The following CEACAM16 variants were observed in gnomAD, a reference collection of about 807,000 sequenced individuals.
CEACAM16 encodes cell adhesion molecule CEACAM16.
A neutral mutation model predicts 39.4 loss-of-function variants in CEACAM16; 30 were observed. The observed-to-expected ratio is 0.76, with a 90% confidence interval of 0.57 to 1.03. The LOEUF (loss-of-function observed/expected upper bound fraction) is 1.03. Among genes scored for constraint, CEACAM16 ranks in the 50% least tolerant of loss-of-function variants. The pLI is 0.00. For synonymous variants in CEACAM16, 262 were observed against 264.9 expected, an observed-to-expected ratio of 0.99 and a Z score of 0.11; for missense variants, 521 against 585.3, an observed-to-expected ratio of 0.89 and a Z score of 1.13.
rs772104409 is a variant in CEACAM16 at position 44,701,044 on chromosome 19, C to G, written c.-96-317C>G. On this transcript the variant is annotated intron_variant, in intron 1 of 6. Coordinates refer to ENST00000587331, the MANE Select transcript of CEACAM16 (RefSeq NM_001039213.4). The surrounding 1 kb of genome is among the most constrained non-coding windows in gnomAD (Gnocchi z 4.0). ...CTGGGAAAGGTGCAGTCACCTTTTA[C>G]TGATTTTCTTCCTTGGTGACTCCCA... 6.6e-6 allele frequency among the ~76,000 whole-genome samples: 1 copy of G among 152,236 alleles called. No individual in the cohort carries two copies. The highest frequency in any genetic ancestry group is 1.5e-5 in the Non-Finnish European group (1 of 68,046).
chr19:44,701,294 C>T lies in CEACAM16; in HGVS notation c.-96-67C>T, dbSNP rs1974340999. On this transcript the variant is annotated intron_variant, in intron 1 of 6. Coordinates refer to ENST00000587331, the MANE Select transcript of CEACAM16 (RefSeq NM_001039213.4). The surrounding 1 kb of genome is among the most constrained non-coding windows in gnomAD (Gnocchi z 4.0). ...CTGGTACCCAAACCGGGCCCCAGAT[C>T]CTTGGTGACTCGATCCCTCCAAATT... 1.2e-6 allele frequency: 1 copy of T among 807,228 alleles called. No homozygotes were observed. Among genetic ancestry groups the T allele is most frequent in the Non-Finnish European group, 2.1e-6 (1 of 483,800 alleles). The allele number at this position is 807,228 out of a possible 1,614,324, so 50.0% of individuals were successfully genotyped here.
chr19:44,708,989 C>T (rs961585712), intron 6 of CEACAM16, among the ~76,000 whole-genome samples: 3 of 151,900 alleles, frequency 2.0e-5, no homozygotes, highest in Admixed American at 2.0e-4. Context: ...TCCCCATCAA[C>T]TGGGAGCTTC....
At chr19:44,707,783 G>T in intron 5 of CEACAM16, 78 bp from the exon 6 acceptor site, 1 of 1,291,160 alleles carries the variant, frequency 7.7e-7, no homozygotes, top group Non-Finnish European at 1.0e-6. Context: ...CAGCTGGGGG[G>T]AGGCCAGCAA....
chr19:44,701,378 G>T lies in CEACAM16; in HGVS notation c.-79G>T, dbSNP rs1599807414. The T allele has an allele frequency of 6.8e-7, 1 of 1,468,812 alleles. No individual in the cohort carries two copies. The highest frequency in any genetic ancestry group is 2.5e-5 in the East Asian group (1 of 40,534). The allele number at this position is 1,468,812 out of a possible 1,614,324, so 91.0% of individuals were successfully genotyped here. ...CCTCCCAGGTCCTGCGGCAGACGGA[G>T]CCGAGCCCCAACCAGGAAGGGAGTC... On this transcript the variant is annotated 5_prime_UTR_variant, in exon 2 of 7. Coordinates refer to ENST00000587331, the MANE Select transcript of CEACAM16 (RefSeq NM_001039213.4). The surrounding 1 kb of genome is among the most constrained non-coding windows in gnomAD (Gnocchi z 4.0).
intron 5 of CEACAM16, among the ~76,000 whole-genome samples, chr19:44,706,563 G>A (rs529876293): frequency 6.6e-6 from 1 of 152,254 alleles, no homozygotes; most frequent in South Asian, 2.1e-4. Flanking sequence ...GGGAATGGTC[G>A]TTCCCTCCCT....
At chr19:44,706,665 C>T (rs1225795877) in intron 5 of CEACAM16, among the ~76,000 whole-genome samples, 1 of 152,176 alleles carries the variant, frequency 6.6e-6, no homozygotes, top group African/African-American at 2.4e-5. Flanking sequence ...CCGCTCCACT[C>T]ATCTGGGGCT....
Position 44,701,840 on chromosome 19 carries a change from C to T in CEACAM16, c.37+347C>T, listed in dbSNP as rs1002990979. On this transcript the variant is annotated intron_variant, in intron 2 of 6. Coordinates refer to ENST00000587331, the MANE Select transcript of CEACAM16 (RefSeq NM_001039213.4). This position sits in a 1 kb window ranked among gnomAD's most constrained non-coding sequence, Gnocchi z 4.0. ...AACTCTTCCCAGCAGCTGTTTCTCC[C>T]GGAAGATGTAGCTTAGGGCAGTTGC... Among the ~76,000 whole-genome samples, 3 of 152,180 alleles carry T rather than the reference C, an allele frequency of 2.0e-5. No individual in the cohort carries two copies. The highest frequency in any genetic ancestry group is 2.9e-5 in the Non-Finnish European group (2 of 68,032).
chr19:44,703,358 T>G lies in CEACAM16; in HGVS notation c.47T>G (p.Leu16Arg). 6.2e-7 allele frequency: 1 copy of G among 1,608,988 alleles called. No individual in the cohort carries two copies. The highest frequency in any genetic ancestry group is 8.5e-7 in the Non-Finnish European group (1 of 1,176,142). The stretch of plus-strand genomic sequence containing the variant: ...GACTCCTCTTCCTCAGCCACATTCC[T>G]GAATGTGGGGGCCGAGATCTCTATC... ...YSWLLLSATFLNVGAEISITL... is the reference protein window; with the variant it reads ...YSWLLLSATFRNVGAEISITL... The change falls in exon 3 of 7, where the codon CTG becomes CGG. Residue 16 changes from leucine to arginine, a missense_variant. Coordinates refer to ENST00000587331, the MANE Select transcript of CEACAM16 (RefSeq NM_001039213.4).
intron 4 of CEACAM16, among the ~76,000 whole-genome samples, chr19:44,704,749 A>G (rs1460765144): frequency 1.1e-5 from 1 of 92,366 alleles, no homozygotes; most frequent in East Asian, 2.8e-4. Context: ...AAAAACAAAC[A>G]AACAAAAAAA....
At position 44,710,493 on chromosome 19, in the gene CEACAM16, C is replaced by T. The variant is rs930216872; in HGVS notation, c.1268-3C>T. 1.9e-6 allele frequency: 3 copies of T among 1,612,836 alleles called. No homozygotes were observed. In the African/African-American group the frequency reaches 4.0e-5, roughly 22 times the overall value. On this transcript the variant is annotated splice_region_variant and splice_polypyrimidine_tract_variant and intron_variant, in intron 6 of 6. Coordinates refer to ENST00000587331, the MANE Select transcript of CEACAM16 (RefSeq NM_001039213.4). ...TCGCCCCCTCGCCCCATATGCCCCA[C>T]AGCCCTGGGGTAACAGCGTGACCCT...
At chr19:44,704,760 AAC>A (rs1240262653) in intron 4 of CEACAM16, among the ~76,000 whole-genome samples, 78 of 91,314 alleles carry the variant, frequency 8.5e-4, no homozygotes, top group East Asian at 7.8e-4. Flanking sequence ...AACAAAAAAA[AAC>A]AACAACAACA....
Position 44,704,013 on chromosome 19 carries a change from C to G in CEACAM16, c.383-5C>G, listed in dbSNP as rs201855875. The G allele has an allele frequency of 6.3e-7, 1 of 1,586,972 alleles. No homozygotes were observed. Among genetic ancestry groups the G allele is most frequent in the African/African-American group, 1.3e-5 (1 of 74,346 alleles). On this transcript the variant is annotated splice_region_variant and splice_polypyrimidine_tract_variant and intron_variant, in intron 3 of 6. Coordinates refer to ENST00000587331, the MANE Select transcript of CEACAM16 (RefSeq NM_001039213.4). Reference sequence around the variant, plus strand: ...CCCCTCCCCCTCTGTCTCTTGCCCCCACAGAGATCCTGGCCCAGCCCACAG... The same window carrying G: ...CCCCTCCCCCTCTGTCTCTTGCCCCGACAGAGATCCTGGCCCAGCCCACAG...
chr19:44,705,859 A>C lies in CEACAM16; in HGVS notation c.931A>C (p.Lys311Gln), dbSNP rs749556460. Reference sequence around the variant, plus strand: ...ATCTGGATCTGCCTCAGTCGTGGTCAAGCTCTCTGGTGAGTCACCCCCAGC... The same window carrying C: ...ATCTGGATCTGCCTCAGTCGTGGTCCAGCTCTCTGGTGAGTCACCCCCAGC... ...LLSGSASVVV[K>Q]LSAAAVATMI... The change falls in exon 5 of 7, where the codon AAG becomes CAG. Residue 311 changes from lysine (K) to glutamine (Q), a missense_variant. Physicochemically the swap from Lys to Gln is moderately conservative, Grantham distance 53. Transcript: ENST00000587331. The C allele has an allele frequency of 6.2e-7, 1 of 1,611,460 alleles. No individual in the cohort carries two copies. Among genetic ancestry groups the C allele is most frequent in the Admixed American group, 1.7e-5 (1 of 59,978 alleles).
intron 4 of CEACAM16, among the ~76,000 whole-genome samples, chr19:44,704,631 C>A (rs1019095129): frequency 1.3e-5 from 2 of 152,070 alleles, no homozygotes; most frequent in Non-Finnish European, 2.9e-5. Flanking sequence ...ACTCAGGAGG[C>A]TGAGATGGGA....
chr19:44,709,986 C>G (rs1044854721), intron 6 of CEACAM16, among the ~76,000 whole-genome samples: 1 of 152,246 alleles, frequency 6.6e-6, no homozygotes, highest in African/African-American at 2.4e-5. Context: ...AGTCCATGTC[C>G]CTACAGCAGG....
chr19:44,700,586 C>T (rs1974330001), intron 1 of CEACAM16, among the ~76,000 whole-genome samples: 1 of 152,216 alleles, frequency 6.6e-6, no homozygotes, highest in Admixed American at 6.5e-5. Flanking sequence ...GCCATCATCT[C>T]TATTTATCAG....
intron 6 of CEACAM16, 39 bp from the exon 7 acceptor site, chr19:44,710,457 G>A: frequency 6.2e-7 from 1 of 1,602,772 alleles, no homozygotes; most frequent in South Asian, 1.1e-5. Context: ...CCATCTCTCT[G>A]ACATCCTCCT....
chr19:44,707,729 C>T (rs1974471367), intron 5 of CEACAM16, 132 bp from the exon 6 acceptor site: 4 of 719,176 alleles, frequency 5.6e-6, no homozygotes, highest in African/African-American at 3.6e-5. Context: ...AAGTCACCTC[C>T]TTCCTCAGTC....
Position 44,703,593 on chromosome 19 carries a change from C to G in CEACAM16, c.282C>G (p.Asp94Glu). Residue 94 changes from aspartate to glutamate, a missense_variant, in exon 3 of 7, where the codon GAC becomes GAG. By Grantham distance (45) the Asp-to-Glu change is conservative. Transcript: ENST00000587331. The part of the protein sequence containing the change: ...REAVRPDGSL[D>E]IQGILPRHSG... ...CTGTGCGCCCCGATGGCAGCCTGGA[C>G]ATCCAGGGCATCCTGCCCCGGCACT... 6.2e-7 allele frequency: 1 copy of G among 1,608,474 alleles called. No individual in the cohort carries two copies.
Sources: gnomAD v4.1 joint callset for allele counts (sites outside exome capture counted in the v4.1 genomes callset) on GRCh38, gnomAD v4.1.1 for gene constraint, Gnocchi (gnomAD v3.1) non-coding constraint, MANE v1.5 for transcripts, NCBI Gene and HGNC (gene_info 2026-07-23, HGNC 2026-07-21) for gene names.